RNF10: variants seen among roughly 807,000 people sequenced by gnomAD.
The protein encoded by RNF10 is E3 ubiquitin-protein ligase RNF10.
In RNF10, 38 loss-of-function variants were observed where a neutral mutation model predicts 91.4. That is an observed-to-expected ratio of 0.42 (90% CI 0.32 to 0.54). RNF10 has a LOEUF of 0.54. Ranked by LOEUF, RNF10 falls within the 20% of genes least tolerant of loss-of-function variation. The pLI, the probability that RNF10 is intolerant of heterozygous loss-of-function variation, is 0.16. For synonymous variants in RNF10, 364 were observed against 366.3 expected (o/e 0.99, Z 0.07); for missense variants, 945 against 1,012.0 (o/e 0.93, Z 0.90).
At chr12:120,549,685 T>A (rs752829169) in intron 2 of RNF10, among the ~76,000 whole-genome samples, 1 of 152,108 alleles carries the variant, frequency 6.6e-6, no homozygotes, top group Non-Finnish European at 1.5e-5. Flanking sequence ...CTTGGGAGGC[T>A]GAGGCAGGAG....
chr12:120,534,686 A>G lies in RNF10; in HGVS notation c.-126A>G. 7.2e-7 allele frequency: 1 copy of G among 1,384,542 alleles called. No individual in the cohort carries two copies. The highest frequency in any genetic ancestry group is 9.3e-7 in the Non-Finnish European group (1 of 1,079,088). 85.8% of individuals were successfully genotyped at this position (1,384,542 alleles called of 1,614,324 possible). On this transcript the variant is annotated 5_prime_UTR_variant, in exon 1 of 17. Coordinates refer to ENST00000325954, the MANE Select transcript of RNF10 (RefSeq NM_014868.5). ...GAGAAGCCAAGGAAGGAAACAGGGA[A>G]AAATGTCGCCATGAAGGCCGAGAAC...
In RNF10 at chr12:120,554,823, C is replaced by G. The variant is rs780583381; in HGVS notation, c.645+15C>G. Reference sequence around the variant, plus strand: ...TGGAACAAGTGGTGAGTAGCTCAGCCAAGCCCATAAGCTATGAATGGGAGC... The same window carrying G: ...TGGAACAAGTGGTGAGTAGCTCAGCGAAGCCCATAAGCTATGAATGGGAGC... On this transcript the variant is annotated intron_variant, in intron 4 of 16. Coordinates refer to ENST00000325954, the MANE Select transcript of RNF10 (RefSeq NM_014868.5). 25 of 1,600,892 alleles carry G rather than the reference C, an allele frequency of 1.6e-5. No individual in the cohort carries two copies. The Admixed American group carries it at 4.2e-4, about 27-fold the overall frequency.
chr12:120,573,518 A>G (rs1158784693), intron 14 of RNF10, among the ~76,000 whole-genome samples: 4 of 152,158 alleles, frequency 2.6e-5, no homozygotes, highest in African/African-American at 7.2e-5. Flanking sequence ...CACATGTCAA[A>G]CTATTTGGAT....
intron 1 of RNF10, among the ~76,000 whole-genome samples, chr12:120,544,917 A>G (rs1285322925): frequency 6.6e-6 from 1 of 152,232 alleles, no homozygotes; most frequent in East Asian, 1.9e-4. Flanking sequence ...TTCTGTAAGT[A>G]TGTGGCCAAG....
At position 120,534,985 on chromosome 12, in the gene RNF10, G is replaced by A. The variant is rs750046793; in HGVS notation, c.157+17G>A. 1.3e-6 allele frequency: 2 copies of A among 1,582,226 alleles called. No homozygotes were observed. The highest frequency in any genetic ancestry group is 1.7e-6 in the Non-Finnish European group (2 of 1,171,738). On this transcript the variant is annotated intron_variant, in intron 1 of 16. Transcript: ENST00000325954. ...CCAAGAGCGGTAAGGACGGGCCTGC[G>A]GCAGTGGGCGGGGGCGACTGCCCCT...
In RNF10 at chr12:120,552,560, A is replaced by C; in HGVS notation, c.416A>C (p.Asn139Thr). ...PAQFSGPKKI[N>T]LNHLLNFTFE... The stretch of plus-strand genomic sequence containing the variant: ...CAGTTCTCTGGTCCTAAGAAGATCA[A>C]CCTGAACCACTTGTTGAATTTCACT... The change falls in exon 3 of 17, where the codon AAC (asparagine) becomes ACC (threonine). Residue 139 changes from asparagine to threonine, a missense_variant. By Grantham distance (65) the Asn-to-Thr change is moderately conservative. Coordinates refer to ENST00000325954, the MANE Select transcript of RNF10 (RefSeq NM_014868.5). 6.2e-7 allele frequency: 1 copy of C among 1,614,186 alleles called. No individual in the cohort carries two copies. Among genetic ancestry groups the C allele is most frequent in the African/African-American group, 1.3e-5 (1 of 75,048 alleles).
In RNF10 at chr12:120,556,530, C is replaced by CAAAAAAAA. The variant is rs34889649; in HGVS notation, c.646-732_646-725dup. On this transcript the variant is annotated intron_variant, in intron 4 of 16. Transcript: ENST00000325954. ...TGGGTGACAGAGTGAGACTCCGTCT[C>CAAAAAAAA]AAAAAAAAAAAAAAAAAAAAAAAAA... Among the ~76,000 whole-genome samples the CAAAAAAAA allele has an allele frequency of 9.9e-4, 19 of 19,214 alleles. 1 individual carries two copies. The highest frequency in any genetic ancestry group is 3.8e-3 in the African/African-American group (17 of 4,518). 12.6% of individuals were successfully genotyped at this position (19,214 alleles called of 152,430 possible).
chr12:120,576,011 C>A, intron 16 of RNF10, 61 bp downstream of exon 16: 1 of 1,551,592 alleles, frequency 6.4e-7, no homozygotes, highest in Non-Finnish European at 8.9e-7. Context: ...ACTGCCATTC[C>A]CGCCTGGATT....
chr12:120,565,215 CT>C lies in RNF10; in HGVS notation c.1783+29del, dbSNP rs1345823274. 4 of 1,476,552 alleles carry C rather than the reference CT, an allele frequency of 2.7e-6. No homozygotes were observed. In the Admixed American group the frequency reaches 6.7e-5, roughly 25 times the overall value. 91.5% of individuals were successfully genotyped at this position (1,476,552 alleles called of 1,614,324 possible). ...GTGAGAATGCCCCTGCTCTGCTTCT[CT>C]TTATAGTAGGGTTCAGGGATTCTTG... On this transcript the variant is annotated intron_variant, in intron 11 of 16. Transcript: ENST00000325954.
intron 7 of RNF10, 53 bp from the exon 8 acceptor site, chr12:120,562,892 A>G (rs1875100431): frequency 6.2e-7 from 1 of 1,610,096 alleles, no homozygotes; most frequent in Admixed American, 1.7e-5. Flanking sequence ...CCTTCAAGCT[A>G]AGTGTGTGTC....
intron 1 of RNF10, 52 bp from the exon 2 acceptor site, chr12:120,546,353 T>G: frequency 6.5e-7 from 1 of 1,544,112 alleles, no homozygotes; most frequent in Non-Finnish European, 8.8e-7. Context: ...GGCAGTTGGC[T>G]AAGTGAATGT....
chr12:120,537,885 T>A (rs1335353158), intron 1 of RNF10, among the ~76,000 whole-genome samples: 7 of 152,118 alleles, frequency 4.6e-5, no homozygotes, highest in African/African-American at 1.7e-4. Flanking sequence ...ATTAAAAGGT[T>A]AGGAAACTGG....
chr12:120,570,829 A>G (rs756652281), intron 13 of RNF10, among the ~76,000 whole-genome samples: 6 of 152,138 alleles, frequency 3.9e-5, no homozygotes, highest in African/African-American at 1.4e-4. Context: ...TCTTGGAGCT[A>G]TTTCATCCTT....
intron 2 of RNF10, among the ~76,000 whole-genome samples, chr12:120,549,184 G>A (rs905519499): frequency 6.6e-6 from 1 of 152,136 alleles, no homozygotes; most frequent in African/African-American, 2.4e-5. Context: ...GGTGGGTTCG[G>A]AGGTAGTTGG....
chr12:120,573,250 G>A (rs74619819), intron 14 of RNF10, among the ~76,000 whole-genome samples: 4,511 of 152,008 alleles, frequency 0.03, 231 homozygotes, highest in African/African-American at 0.1. Flanking sequence ...TTGTCTCAGC[G>A]TCCTTCATTT....
intron 9 of RNF10, 43 bp from the exon 10 acceptor site, chr12:120,563,767 G>T (rs557438979): frequency 6.2e-7 from 1 of 1,609,086 alleles, no homozygotes. Context: ...AGCCTCCTGG[G>T]GACTGGCCAA....
chr12:120,544,972 A>T (rs1292638549), intron 1 of RNF10, among the ~76,000 whole-genome samples: 2 of 152,216 alleles, frequency 1.3e-5, no homozygotes, highest in African/African-American at 4.8e-5. Context: ...AGGGATGCAT[A>T]AAAATGCTCA....
intron 2 of RNF10, among the ~76,000 whole-genome samples, chr12:120,548,960 G>A (rs1463356995): frequency 2.0e-5 from 3 of 152,198 alleles, no homozygotes; most frequent in African/African-American, 7.2e-5. Flanking sequence ...ATGAGCCACC[G>A]CGCCCGGCTG....
Position 120,534,825 on chromosome 12 carries a change from C to T in RNF10, c.14C>T (p.Ser5Phe). The change falls in exon 1 of 17, where the codon TCC becomes TTC. Residue 5 changes from serine (S) to phenylalanine (F), a missense_variant. Physicochemically the swap from Ser to Phe is radical, Grantham distance 155. Coordinates refer to ENST00000325954, the MANE Select transcript of RNF10 (RefSeq NM_014868.5). The stretch of plus-strand genomic sequence containing the variant: ...AGGCCCCCGTTGATGCCGCTGAGCT[C>T]CCCCAACGCCGCCGCCACCGCCTCC... MPLS[S>F]PNAAATASDM... 1.3e-6 allele frequency: 2 copies of T among 1,590,008 alleles called. No homozygotes were observed. Among genetic ancestry groups the T allele is most frequent in the Non-Finnish European group, 1.7e-6 (2 of 1,173,706 alleles).
Sources: allele counts gnomAD v4.1 joint callset (sites outside exome capture counted in the v4.1 genomes callset), GRCh38; gene constraint gnomAD v4.1.1; transcripts MANE v1.5; gene names NCBI Gene and HGNC (gene_info 2026-07-23, HGNC 2026-07-21).